The following PPTC7 variants were observed in gnomAD, a reference collection of about 807,000 sequenced individuals.
PPTC7 encodes protein phosphatase targeting COQ7.
A neutral mutation model predicts 30.8 loss-of-function variants in PPTC7; 6 were observed. The ratio of observed to expected loss-of-function variants is 0.19; its 90% CI spans 0.11 to 0.38. The LOEUF is 0.38. Ranked by LOEUF, PPTC7 falls within the 10% of genes least tolerant of loss-of-function variation. The pLI is 1.00. For synonymous variants in PPTC7, 163 were observed against 168.1 expected (o/e 0.97, Z 0.23); for missense variants, 218 against 404.8 (o/e 0.54, Z 3.96).
Position 110,534,881 on chromosome 12 carries a change from C to T in PPTC7, c.*2156G>A, listed in dbSNP as rs1239655732. ...AATGAGAGCAGAGAAAAACCAGAAACTTGACGAGCACTGCTCTTACCAGGA... is the reference window on the plus strand; with the variant it reads ...AATGAGAGCAGAGAAAAACCAGAAATTTGACGAGCACTGCTCTTACCAGGA... On this transcript the variant is annotated 3_prime_UTR_variant, in exon 6 of 6. Coordinates refer to ENST00000354300, the MANE Select transcript of PPTC7 (RefSeq NM_139283.2). The T allele has an allele frequency of 6.6e-6, 1 of 152,566 alleles. No homozygotes were observed. The highest frequency in any genetic ancestry group is 1.5e-5 in the Non-Finnish European group (1 of 68,024). The allele number at this position is 152,566 out of a possible 1,614,324, so 9.5% of individuals were successfully genotyped here.
chr12:110,562,779 C>A (rs1279371787), intron 1 of PPTC7, among the ~76,000 whole-genome samples: 1 of 145,928 alleles, frequency 6.9e-6, no homozygotes, highest in Admixed American at 6.9e-5. Context: ...GGTGACAAAG[C>A]GAGACTCTGT....
chr12:110,542,333 G>T (rs1402222906), intron 3 of PPTC7, among the ~76,000 whole-genome samples: 1 of 151,780 alleles, frequency 6.6e-6, no homozygotes, highest in Admixed American at 6.6e-5. Flanking sequence ...CACAGACATG[G>T]ATGCTTCTAT....
intron 1 of PPTC7, among the ~76,000 whole-genome samples, chr12:110,578,906 G>A (rs2064611898): frequency 6.6e-6 from 1 of 152,144 alleles, no homozygotes; most frequent in African/African-American, 2.4e-5. Flanking sequence ...AGCACTTTGG[G>A]AGGCTGAGGC....
At chr12:110,546,315 T>C (rs1205748028) in intron 2 of PPTC7, 1 of 513,694 alleles carries the variant, frequency 1.9e-6, no homozygotes, top group Non-Finnish European at 3.5e-6. Context: ...CCACAGATGA[T>C]CTGAATTCTT....
chr12:110,538,229 A>G lies in PPTC7; in HGVS notation c.771T>C (p.Ala257=). 1.2e-6 allele frequency: 2 copies of G among 1,614,148 alleles called. No homozygotes were observed. The highest frequency in any genetic ancestry group is 2.2e-5 in the South Asian group (2 of 91,084). ...CATAGGCCAGCTCATGAGCTTGCTC[A>G]GCAATGCTTCTGGCAGTCTGTTGTA... ...ESIQQTARSI[A]EQAHELAYDP... The change falls in exon 5 of 6, where the codon GCT becomes GCC. Residue 257 remains alanine, a synonymous_variant. Transcript: ENST00000354300.
At chr12:110,561,530 G>C (rs1248844314) in intron 1 of PPTC7, among the ~76,000 whole-genome samples, 1 of 152,110 alleles carries the variant, frequency 6.6e-6, no homozygotes, top group Non-Finnish European at 1.5e-5. Context: ...TGGCCAGGCT[G>C]GTCTCAAACT....
rs144550148 is a variant in PPTC7 at position 110,582,834 on chromosome 12, G to C, written c.198C>G (p.Ala66=). 113 of 1,564,028 alleles carry C rather than the reference G, an allele frequency of 7.2e-5. No homozygotes were observed. Among genetic ancestry groups the C allele is most frequent in the Non-Finnish European group, 8.6e-5 (99 of 1,154,666 alleles). The part of the protein sequence containing the change: ...ACYGDDACFV[A]RHRSADVLGV... ...CGAGCACGTCCGCGGAACGGTGCCG[G>C]GCCACGAAGCACGCGTCGTCCCCGT... The change falls in exon 1 of 6, where the codon GCC becomes GCG. Residue 66 remains alanine, a synonymous_variant. Coordinates refer to ENST00000354300, the MANE Select transcript of PPTC7 (RefSeq NM_139283.2).
chr12:110,569,848 GTGCCCCTTGTCC>G (rs1370318808), intron 1 of PPTC7, among the ~76,000 whole-genome samples: 2 of 152,202 alleles, frequency 1.3e-5, no homozygotes, highest in African/African-American at 4.8e-5. Context: ...AGTGGAAACA[GTGCCCCTTGTCC>G]TTTCACTTTA....
intron 2 of PPTC7, among the ~76,000 whole-genome samples, chr12:110,549,158 A>C (rs1444450833): frequency 6.6e-6 from 1 of 152,204 alleles, no homozygotes. Flanking sequence ...GGATAACTTT[A>C]TTAGGACCAA....
At chr12:110,556,773 C>T (rs572415460) in intron 1 of PPTC7, among the ~76,000 whole-genome samples, 18 of 152,258 alleles carry the variant, frequency 1.2e-4, no homozygotes, top group Non-Finnish European at 2.1e-4. Context: ...TGAGAAGCTC[C>T]CCTGCTAGTG....
intron 1 of PPTC7, among the ~76,000 whole-genome samples, chr12:110,557,489 G>A (rs1049079824): frequency 6.6e-5 from 10 of 152,028 alleles, no homozygotes; most frequent in Non-Finnish European, 1.5e-4. Context: ...ATGTTGTCCA[G>A]GCTGGTCTCA....
chr12:110,556,361 G>A (rs774814226), intron 1 of PPTC7, among the ~76,000 whole-genome samples: 3 of 152,168 alleles, frequency 2.0e-5, no homozygotes, highest in African/African-American at 7.2e-5. Flanking sequence ...ATTATATAAG[G>A]GGAAGAGTTG....
intron 1 of PPTC7, among the ~76,000 whole-genome samples, chr12:110,567,906 T>C (rs1200780826): frequency 2.0e-5 from 3 of 152,204 alleles, no homozygotes; most frequent in Non-Finnish European, 4.4e-5. Context: ...TCTTGAATTC[T>C]GAACACCTTT....
At position 110,543,933 on chromosome 12, in the gene PPTC7, GA is replaced by G. The variant is rs530880087; in HGVS notation, c.602+1946del. Among the ~76,000 whole-genome samples the G allele has an allele frequency of 2.0e-5, 3 of 152,262 alleles. No individual in the cohort carries two copies. The East Asian group carries it at 5.8e-4, about 29-fold the overall frequency. On this transcript the variant is annotated intron_variant, in intron 3 of 5. Transcript: ENST00000354300. ...TATGGCAGGGCTGCTTTGGTGCTTG[GA>G]AGCCCAACAAGAAGAATCAAATGAA...
chr12:110,545,841 A>T, intron 3 of PPTC7, 39 bp downstream of exon 3: 1 of 1,593,696 alleles, frequency 6.3e-7, no homozygotes, highest in Non-Finnish European at 8.6e-7. Context: ...TGAATGAGCC[A>T]CGTCCTGCTC....
At chr12:110,553,140 G>A (rs974207707) in intron 1 of PPTC7, among the ~76,000 whole-genome samples, 2 of 147,132 alleles carry the variant, frequency 1.4e-5, no homozygotes, top group Non-Finnish European at 3.0e-5. Context: ...CCGAGATCGC[G>A]CCATTGCATC....
chr12:110,550,624 C>T (rs2064343315), intron 2 of PPTC7, among the ~76,000 whole-genome samples: 1 of 151,976 alleles, frequency 6.6e-6, no homozygotes, highest in Admixed American at 6.6e-5. Flanking sequence ...GTAATAATAC[C>T]CTCTCTGAGA....
rs768949353 is a variant in PPTC7, at chr12:110,533,978, AC to A, written c.*3058del. 1 of 152,202 alleles carries A rather than the reference AC, an allele frequency of 6.6e-6. No individual in the cohort carries two copies. The highest frequency in any genetic ancestry group is 1.5e-5 in the Non-Finnish European group (1 of 68,036). 9.4% of individuals were successfully genotyped at this position (152,202 alleles called of 1,614,324 possible). On this transcript the variant is annotated 3_prime_UTR_variant, in exon 6 of 6. Coordinates refer to ENST00000354300, the MANE Select transcript of PPTC7 (RefSeq NM_139283.2). ...CACAGCCCAACCCCCAGACATGCAT[AC>A]CTGGAATGGATTCTTTTGTGATTTA...
chr12:110,539,719 T>G (rs879924126), intron 4 of PPTC7, 103 bp downstream of exon 4: 18 of 1,083,432 alleles, frequency 1.7e-5, no homozygotes, highest in Admixed American at 7.4e-5. Flanking sequence ...ATTCACAAAA[T>G]AGTTCTTTCC....
Sources: allele counts gnomAD v4.1 joint callset (sites outside exome capture counted in the v4.1 genomes callset), GRCh38; gene constraint gnomAD v4.1.1; transcripts MANE v1.5; gene names NCBI Gene and HGNC (gene_info 2026-07-23, HGNC 2026-07-21).